The following SPHKAP variants were observed in gnomAD, a reference collection of about 807,000 sequenced individuals.
The protein encoded by SPHKAP is SPHK1 interactor, AKAP domain containing.
Under a neutral mutation model 137.5 loss-of-function variants are expected in SPHKAP, and 67 were observed. That is an observed-to-expected ratio of 0.49 (90% CI 0.40 to 0.60). The LOEUF is 0.60. Ranked by LOEUF, SPHKAP falls within the 20% of genes least tolerant of loss-of-function variation. The pLI is 0.00. For missense variants in SPHKAP, 2,097 were observed against 2,069.3 expected (o/e 1.01, Z -0.26); for synonymous variants, 813 against 785.3 (o/e 1.04, Z -0.59).
intron 3 of SPHKAP, among the ~76,000 whole-genome samples, chr2:228,087,427 C>T (rs1035724746): frequency 1.3e-5 from 2 of 151,840 alleles, no homozygotes; most frequent in African/African-American, 4.8e-5. Flanking sequence ...AACCCATATG[C>T]AAGAAAAAAT....
At chr2:228,043,612 C>G (rs1367274610) in intron 3 of SPHKAP, among the ~76,000 whole-genome samples, 1 of 152,148 alleles carries the variant, frequency 6.6e-6, no homozygotes, top group East Asian at 1.9e-4. Flanking sequence ...CGGGTGTGAG[C>G]CACTGCACTT....
rs143649393 is a variant in SPHKAP at position 227,991,043 on chromosome 2, G to T, written c.4916C>A (p.Pro1639His). ...QWIAASELGI[P>H]TIYFKKSQEN... ...CTGAGATTTCTTAAAGTAGATGGTG[G>T]GAATCCCCAGTTCAGAGGCAGCTAT... The change falls in exon 11 of 12, where the codon CCC (proline) becomes CAC (histidine). Residue 1639 changes from proline to histidine, a missense_variant. Transcript: ENST00000392056. 1.2e-4 allele frequency: 197 copies of T among 1,614,006 alleles called. No homozygotes were observed. Among genetic ancestry groups the T allele is most frequent in the Admixed American group, 2.5e-4 (15 of 60,004 alleles).
At chr2:228,180,137 C>T (rs1268005544) in intron 1 of SPHKAP, among the ~76,000 whole-genome samples, 2 of 151,954 alleles carry the variant, frequency 1.3e-5, no homozygotes, top group African/African-American at 4.8e-5. Flanking sequence ...GACCCTGTTC[C>T]GCTGGGGCAG....
intron 3 of SPHKAP, among the ~76,000 whole-genome samples, chr2:228,069,890 A>C (rs1240021463): frequency 2.6e-5 from 4 of 152,210 alleles, no homozygotes; most frequent in Non-Finnish European, 5.9e-5. Flanking sequence ...ACTGCCATTC[A>C]ATACATCGTG....
intron 5 of SPHKAP, 22 bp from the exon 6 acceptor site, chr2:228,021,988 G>A: frequency 1.9e-6 from 3 of 1,556,580 alleles, no homozygotes; most frequent in Non-Finnish European, 2.6e-6. Flanking sequence ...GAGAAAAGAA[G>A]GCATTTATTC....
intron 7 of SPHKAP, among the ~76,000 whole-genome samples, chr2:227,998,499 A>G (rs911648436): frequency 2.8e-4 from 42 of 152,320 alleles, no homozygotes; most frequent in African/African-American, 8.9e-4. Context: ...ATATTTTGCT[A>G]TTGACAGTAA....
At chr2:228,170,809 C>T (rs1005554113) in intron 1 of SPHKAP, among the ~76,000 whole-genome samples, 1 of 152,052 alleles carries the variant, frequency 6.6e-6, no homozygotes, top group African/African-American at 2.4e-5. Flanking sequence ...CCAAGCCTAC[C>T]ATATCGCTGG....
At chr2:227,993,746 G>A in intron 8 of SPHKAP, 126 bp from the exon 9 acceptor site, 1 of 788,032 alleles carries the variant, frequency 1.3e-6, no homozygotes, top group South Asian at 1.6e-5. Flanking sequence ...TTGTGCCTAG[G>A]ACACCTCAAT....
At chr2:228,109,336 T>C in intron 2 of SPHKAP, 1 of 980,978 alleles carries the variant, frequency 1.0e-6, no homozygotes, top group Non-Finnish European at 1.2e-6. Context: ...AAATATGGGG[T>C]TTTTCATTGA....
intron 3 of SPHKAP, among the ~76,000 whole-genome samples, chr2:228,093,811 G>A (rs1321141386): frequency 8.1e-6 from 1 of 122,806 alleles, no homozygotes; most frequent in Admixed American, 1.1e-4. Context: ...AGTGAGCCGA[G>A]ATCACTCCAT....
chr2:228,031,971 G>A (rs1246949295), intron 3 of SPHKAP, among the ~76,000 whole-genome samples: 1 of 152,172 alleles, frequency 6.6e-6, no homozygotes, highest in East Asian at 1.9e-4. Context: ...AAAAAGCAGA[G>A]CGCCTCTCCT....
intron 1 of SPHKAP, among the ~76,000 whole-genome samples, chr2:228,146,646 A>G (rs573880209): frequency 4.9e-4 from 74 of 152,370 alleles, no homozygotes; most frequent in African/African-American, 1.7e-3. Flanking sequence ...AAGTGAGAAC[A>G]TGCAGTATTT....
intron 2 of SPHKAP, among the ~76,000 whole-genome samples, chr2:228,124,588 TG>T (rs1574871300): frequency 1.6e-5 from 1 of 61,802 alleles, no homozygotes; most frequent in East Asian, 5.5e-4. Flanking sequence ...TGTCGTGGGG[TG>T]GGGGGAGGGG....
At chr2:228,106,266 C>T (rs1397989410) in intron 3 of SPHKAP, among the ~76,000 whole-genome samples, 2 of 152,160 alleles carry the variant, frequency 1.3e-5, no homozygotes, top group African/African-American at 4.8e-5. Context: ...AGAAACCACA[C>T]ATCTAAACAC....
chr2:228,132,013 G>T lies in SPHKAP; in HGVS notation c.105C>A (p.Ser35Arg), dbSNP rs533368400. 5 of 1,613,968 alleles carry T rather than the reference G, an allele frequency of 3.1e-6. No individual in the cohort carries two copies. Among genetic ancestry groups the T allele is most frequent in the Non-Finnish European group, 8.5e-7 (1 of 1,179,940 alleles). ...QQGRGCGSSG[S>R]GPGNSITACK... ...AGGCTGTGATGGAGTTCCCCGGGCC[G>T]CTTCCTGAGCTGCCACAGCCTCTGC... Residue 35 changes from serine (S) to arginine (R), a missense_variant, in exon 2 of 12, where the codon AGC becomes AGA. Transcript: ENST00000392056.
At chr2:228,134,395 T>A (rs1270956057) in intron 1 of SPHKAP, among the ~76,000 whole-genome samples, 1 of 152,180 alleles carries the variant, frequency 6.6e-6, no homozygotes, top group Admixed American at 6.5e-5. Flanking sequence ...ATAAATGACA[T>A]GTTTGGACTA....
chr2:228,030,536 C>CAAAA (rs1263087267), intron 3 of SPHKAP, among the ~76,000 whole-genome samples: 6 of 41,860 alleles, frequency 1.4e-4, no homozygotes, highest in African/African-American at 4.7e-4. Flanking sequence ...AAAAAAACAA[C>CAAAA]AAAAAACAAA....
At chr2:228,115,772 GA>G (rs1458809733) in intron 2 of SPHKAP, among the ~76,000 whole-genome samples, 1 of 152,034 alleles carries the variant, frequency 6.6e-6, no homozygotes, top group Non-Finnish European at 1.5e-5. Flanking sequence ...CAGTGATAGG[GA>G]ATAAAAGGGA....
At chr2:228,092,029 C>T (rs1221729208) in intron 3 of SPHKAP, among the ~76,000 whole-genome samples, 10 of 151,222 alleles carry the variant, frequency 6.6e-5, no homozygotes, top group Non-Finnish European at 4.4e-5. Flanking sequence ...AAATGCCCAT[C>T]AATCAATAAG....
Sources: allele counts gnomAD v4.1 joint callset (sites outside exome capture counted in the v4.1 genomes callset), GRCh38; gene constraint gnomAD v4.1.1; transcripts MANE v1.5; gene names NCBI Gene and HGNC (gene_info 2026-07-23, HGNC 2026-07-21).